The following FBXL18 variants were observed in gnomAD, a reference collection of about 807,000 sequenced individuals.
FBXL18 encodes F-box/LRR-repeat protein 18.
Under a neutral mutation model 46.0 loss-of-function variants are expected in FBXL18, and 36 were observed. That is an observed-to-expected ratio of 0.78 (90% confidence interval 0.60 to 1.03). The LOEUF (loss-of-function observed/expected upper bound fraction) is 1.03, where lower values mean the gene tolerates loss of function less well. Ranked by LOEUF, FBXL18 falls within the 50% of genes least tolerant of loss-of-function variation. The pLI is 0.00. For missense variants in FBXL18, 977 were observed against 1,004.1 expected (o/e 0.97, Z 0.36); for synonymous variants, 557 against 465.3 (o/e 1.20, Z -2.54).
intron 4 of FBXL18, among the ~76,000 whole-genome samples, chr7:5,458,870 G>A (rs13222177): frequency 0.15 from 23,558 of 152,022 alleles, 1,958 homozygotes; most frequent in South Asian, 0.28. Context: ...GTGTGGGCTG[G>A]ATGTGGTGGC....
intron 4 of FBXL18, among the ~76,000 whole-genome samples, chr7:5,484,030 A>G (rs1028174343): frequency 6.6e-6 from 1 of 152,170 alleles, no homozygotes; most frequent in Non-Finnish European, 1.5e-5. Context: ...CTTTCCACAC[A>G]GTAATCTCGT....
rs116287840 is a variant in FBXL18 at position 5,463,346 on chromosome 7, G to A, written c.2001-15503C>T. 3.1e-3 allele frequency among the ~76,000 whole-genome samples: 472 copies of A among 152,076 alleles called. 3 individuals carry two copies. Among genetic ancestry groups the A allele is most frequent in the African/African-American group, 0.011 (447 of 41,504 alleles). ...TAAGAATTTGGCCATGAGGGCTGGG[G>A]CAGTGGCTCAGGCCTGTAATTCCAG... On this transcript the variant is annotated intron_variant and NMD_transcript_variant, in intron 4 of 6. Transcript: ENST00000415009.
intron 3 of FBXL18, among the ~76,000 whole-genome samples, chr7:5,498,015 C>CT (rs1434383430): frequency 6.6e-6 from 1 of 152,118 alleles, no homozygotes; most frequent in Non-Finnish European, 1.5e-5. Flanking sequence ...CACCCAGTCC[C>CT]TGGTAGTACT....
rs181213670 is a variant in FBXL18 at position 5,458,144 on chromosome 7, G to A, written c.2001-10301C>T. The stretch of plus-strand genomic sequence containing the variant: ...GCAGGTGGGACCGTTTCAGGATTTG[G>A]CTGAAGTTTGTCTCAGAGCTGATAA... On this transcript the variant is annotated intron_variant and NMD_transcript_variant, in intron 4 of 6. Transcript: ENST00000415009. Among the ~76,000 whole-genome samples, 8 of 152,198 alleles carry A rather than the reference G, an allele frequency of 5.3e-5. No homozygotes were observed. In the East Asian group the frequency reaches 1.5e-3, roughly 29 times the overall value.
At chr7:5,457,274 C>A (rs1783186755) in intron 4 of FBXL18, among the ~76,000 whole-genome samples, 1 of 152,196 alleles carries the variant, frequency 6.6e-6, no homozygotes, top group Non-Finnish European at 1.5e-5. Flanking sequence ...CTACTCTAAG[C>A]AAATCAAGGT....
intron 1 of FBXL18, among the ~76,000 whole-genome samples, chr7:5,510,315 A>G (rs1185920556): frequency 6.6e-6 from 1 of 150,948 alleles, no homozygotes; most frequent in African/African-American, 2.4e-5. Context: ...AAAAAAAAAA[A>G]AAAAAAGAAA....
rs1169221725 is a variant in FBXL18 at position 5,501,009 on chromosome 7, C to T, written c.1260G>A (p.Leu420=). 2 of 1,594,322 alleles carry T rather than the reference C, an allele frequency of 1.3e-6. No homozygotes were observed. Among genetic ancestry groups the T allele is most frequent in the East Asian group, 4.5e-5 (2 of 44,650 alleles). ...ARLRHLRSLS[L]PVCSVADSAP... ...CGGAGTCAGCGACAGAGCAGACAGG[C>T]AGGGAGAGGGAGCGCAGGTGACGCA... Residue 420 remains leucine, a synonymous_variant, in exon 3 of 5, where the codon CTG becomes CTA. Coordinates refer to ENST00000382368, the MANE Select transcript of FBXL18 (RefSeq NM_024963.6).
intron 4 of FBXL18, among the ~76,000 whole-genome samples, chr7:5,466,651 G>A (rs530373668): frequency 6.6e-6 from 1 of 152,146 alleles, no homozygotes; most frequent in Non-Finnish European, 1.5e-5. Context: ...CACAGAACCC[G>A]CAATCATGGG....
chr7:5,481,498 A>C lies in FBXL18; in HGVS notation c.*277T>G. On this transcript the variant is annotated 3_prime_UTR_variant, in exon 5 of 5. Transcript: ENST00000382368. Reference sequence around the variant, plus strand: ...GGCTCAGTATACAAACCCCCCAGCCAGGCCCCAAGGGTCAGCCTGGTTCAG... The same window carrying C: ...GGCTCAGTATACAAACCCCCCAGCCCGGCCCCAAGGGTCAGCCTGGTTCAG... 11 of 321,778 alleles carry C rather than the reference A, an allele frequency of 3.4e-5. No homozygotes were observed. Among genetic ancestry groups the C allele is most frequent in the East Asian group, 8.0e-5 (1 of 12,484 alleles). 19.9% of individuals were successfully genotyped at this position (321,778 alleles called of 1,614,324 possible).
intron 1 of FBXL18, among the ~76,000 whole-genome samples, chr7:5,513,270 CA>C (rs1433452677): frequency 1.3e-5 from 2 of 151,946 alleles, no homozygotes; most frequent in African/African-American, 2.4e-5. Flanking sequence ...ACTGAGCATC[CA>C]GAGATAGAAG....
At chr7:5,463,897 C>T (rs1257858121) in intron 4 of FBXL18, among the ~76,000 whole-genome samples, 7 of 151,402 alleles carry the variant, frequency 4.6e-5, no homozygotes, top group Non-Finnish European at 1.0e-4. Flanking sequence ...TGCGCCACCA[C>T]ACCCAGCTAA....
Position 5,491,211 on chromosome 7 carries a change from A to T in FBXL18, c.2000+20T>A. On this transcript the variant is annotated intron_variant, in intron 4 of 4. Transcript: ENST00000382368. ...TGATTTCTGCGGCCCCTGAAGCTGT[A>T]CGCAACCCACATCACTCACCTGCGG... The T allele has an allele frequency of 6.3e-7, 1 of 1,597,360 alleles. No homozygotes were observed. Among genetic ancestry groups the T allele is most frequent in the Non-Finnish European group, 8.5e-7 (1 of 1,171,440 alleles).
intron 3 of FBXL18, among the ~76,000 whole-genome samples, chr7:5,497,539 G>T (rs1188011889): frequency 6.6e-6 from 1 of 152,212 alleles, no homozygotes; most frequent in South Asian, 2.1e-4. Context: ...GGAGGAGGTC[G>T]AGAGGGAGGG....
chr7:5,501,541 T>A lies in FBXL18; in HGVS notation c.728A>T (p.Asn243Ile), dbSNP rs773049891. The A allele has an allele frequency of 3.1e-6, 5 of 1,613,832 alleles. No homozygotes were observed. Among genetic ancestry groups the A allele is most frequent in the Non-Finnish European group, 4.2e-6 (5 of 1,179,992 alleles). The stretch of plus-strand genomic sequence containing the variant: ...CAGGTAGAGCCGCACCACCTCCTGG[T>A]TGATGTAGCCGGGGGCCAGGCGCGC... ...FYARLAPGYI[N>I]QEVVRLYLAV... The change falls in exon 3 of 5, where the codon AAC becomes ATC. Residue 243 changes from asparagine to isoleucine, a missense_variant. Physicochemically the swap from Asn to Ile is moderately radical, Grantham distance 149 (BLOSUM62 -3). Coordinates refer to ENST00000382368, the MANE Select transcript of FBXL18 (RefSeq NM_024963.6).
chr7:5,462,567 T>A (rs1416927061), intron 4 of FBXL18, among the ~76,000 whole-genome samples: 2 of 152,142 alleles, frequency 1.3e-5, no homozygotes, highest in Non-Finnish European at 2.9e-5. Flanking sequence ...TGAGAGACGA[T>A]GTTTTCACCT....
chr7:5,487,181 C>T (rs1249189015), intron 4 of FBXL18, among the ~76,000 whole-genome samples: 1 of 152,248 alleles, frequency 6.6e-6, no homozygotes, highest in Non-Finnish European at 1.5e-5. Flanking sequence ...CAGACCCTGT[C>T]TGCAGGTCAG....
chr7:5,495,076 C>T (rs1784040977), intron 3 of FBXL18, among the ~76,000 whole-genome samples: 1 of 152,150 alleles, frequency 6.6e-6, no homozygotes, highest in Admixed American at 6.5e-5. Context: ...TGACCTGACT[C>T]GAGTGACCGG....
chr7:5,495,996 C>T (rs1784069674), intron 3 of FBXL18: 4 of 428,704 alleles, frequency 9.3e-6, no homozygotes, highest in South Asian at 6.7e-5. Context: ...CCACAGAACC[C>T]GCAGGCCTCT....
At chr7:5,492,494 C>T (rs554309469) in intron 3 of FBXL18, among the ~76,000 whole-genome samples, 44 of 151,870 alleles carry the variant, frequency 2.9e-4, no homozygotes, top group African/African-American at 8.7e-4. Context: ...GCTGGAGGGA[C>T]GGGCTGAGGC....
Sources: allele counts gnomAD v4.1 joint callset (sites outside exome capture counted in the v4.1 genomes callset), GRCh38; gene constraint gnomAD v4.1.1; transcripts MANE v1.5; gene names NCBI Gene and HGNC (gene_info 2026-07-23, HGNC 2026-07-21).